NEBL: variants seen among roughly 807,000 people sequenced by gnomAD.
NEBL encodes nebulette, also known as LIM and SH3 protein 2.
In NEBL, 122 loss-of-function variants were observed where a neutral mutation model predicts 140.2. That is an observed-to-expected ratio of 0.87 (90% CI 0.75 to 1.01). The LOEUF (loss-of-function observed/expected upper bound fraction) is 1.01. NEBL is among the 50% of genes least tolerant of loss of function. NEBL has a pLI of 0.00. For missense variants in NEBL, 1,365 were observed against 1,231.3 expected (o/e 1.11, Z -1.62); for synonymous variants, 436 against 398.9 (o/e 1.09, Z -1.11).
At chr10:21,061,321 A>ACATATTATGTGATATGTAACATG (rs1835282019) in intron 2 of NEBL, among the ~76,000 whole-genome samples, 1 of 127,544 alleles carries the variant, frequency 7.8e-6, no homozygotes, top group Non-Finnish European at 1.6e-5. Flanking sequence ...TATGTAATAT[A>ACATATTATGTGATATGTAACATG]TTACATATTA....
intron 2 of NEBL, among the ~76,000 whole-genome samples, chr10:21,124,545 A>G (rs1279156611): frequency 1.3e-5 from 2 of 152,206 alleles, no homozygotes; most frequent in African/African-American, 4.8e-5. Flanking sequence ...ACTTTTAACA[A>G]GTTAAGCAGA....
intron 3 of NEBL, among the ~76,000 whole-genome samples, chr10:21,194,868 T>C (rs1841625427): frequency 6.7e-6 from 1 of 148,608 alleles, no homozygotes; most frequent in South Asian, 2.2e-4. Context: ...TGTAGTCAGA[T>C]GTAATCTGAC....
chr10:21,159,948 C>T (rs1025074998), intron 2 of NEBL, among the ~76,000 whole-genome samples: 2 of 152,214 alleles, frequency 1.3e-5, no homozygotes, highest in Non-Finnish European at 2.9e-5. Context: ...TTACTTGATC[C>T]TTCCTCCATT....
At chr10:21,271,298 C>T (rs912356303) in intron 1 of NEBL, among the ~76,000 whole-genome samples, 29 of 152,146 alleles carry the variant, frequency 1.9e-4, no homozygotes, top group African/African-American at 5.5e-4. Context: ...TAAACAAACT[C>T]TAAAACTTCG....
chr10:21,089,808 T>C (rs1044358008), intron 2 of NEBL, among the ~76,000 whole-genome samples: 6 of 150,658 alleles, frequency 4.0e-5, no homozygotes, highest in Non-Finnish European at 8.8e-5. Flanking sequence ...AAGTCCCCAT[T>C]CGAGTTAAAA....
intron 3 of NEBL, among the ~76,000 whole-genome samples, chr10:21,234,366 AG>A (rs1842319170): frequency 6.6e-6 from 1 of 151,980 alleles, no homozygotes; most frequent in South Asian, 2.1e-4. Context: ...TTGTTTAAAG[AG>A]CCTGGCGCCA....
chr10:21,039,461 C>A (rs1483579928), intron 2 of NEBL, among the ~76,000 whole-genome samples: 1 of 152,166 alleles, frequency 6.6e-6, no homozygotes, highest in East Asian at 1.9e-4. Flanking sequence ...GTTTTCCCAG[C>A]ACCATTTATT....
rs116937144 is a variant in NEBL at position 21,058,099 on chromosome 10, C to A, written c.165-37898G>T. 7.4e-3 allele frequency among the ~76,000 whole-genome samples: 1,131 copies of A among 152,302 alleles called. 42 individuals are homozygous for A. In the East Asian group the frequency reaches 0.09, roughly 12 times the overall value. On this transcript the variant is annotated intron_variant, in intron 2 of 6. Transcript: ENST00000417816. Reference sequence around the variant, plus strand: ...GCATGTTTTCTCAGAAATGATACTACTAACAGCTACTATCAATGTGAATAA... The same window carrying A: ...GCATGTTTTCTCAGAAATGATACTAATAACAGCTACTATCAATGTGAATAA...
At chr10:21,122,002 GGTTGTTGTTGTT>G (rs147160117) in intron 2 of NEBL, among the ~76,000 whole-genome samples, 19 of 149,552 alleles carry the variant, frequency 1.3e-4, no homozygotes, top group East Asian at 8.0e-4. Context: ...GATTTCTCCT[GGTTGTTGTTGTT>G]GTTGTTGTTG....
chr10:21,113,463 G>A (rs949108813), intron 2 of NEBL: 21 of 380,366 alleles, frequency 5.5e-5, no homozygotes, highest in Middle Eastern at 1.0e-3. Flanking sequence ...CTGACCAGGA[G>A]GCTATTCAGA....
chr10:21,058,819 T>G (rs1835152648), intron 2 of NEBL, among the ~76,000 whole-genome samples: 2 of 152,176 alleles, frequency 1.3e-5, no homozygotes, highest in South Asian at 4.1e-4. Flanking sequence ...AATTCTGAAA[T>G]CAATCATAGT....
At chr10:20,860,600 C>T (rs1843606933) in intron 7 of NEBL, among the ~76,000 whole-genome samples, 1 of 133,954 alleles carries the variant, frequency 7.5e-6, no homozygotes, top group Non-Finnish European at 1.6e-5. Flanking sequence ...TAGCTATTCA[C>T]ATGTCATACC....
Position 20,802,044 on chromosome 10 carries a change from C to A in NEBL, c.2761+6466G>T, listed in dbSNP as rs185531340. Reference sequence around the variant, plus strand: ...CCCATCACACTCCCATATCCTTTTACGTTTTCCGGAGGAAAACAGAAACAC... The same window carrying A: ...CCCATCACACTCCCATATCCTTTTAAGTTTTCCGGAGGAAAACAGAAACAC... On this transcript the variant is annotated intron_variant, in intron 26 of 27. Coordinates refer to ENST00000377122, the MANE Select transcript of NEBL (RefSeq NM_006393.3). Among the ~76,000 whole-genome samples the A allele has an allele frequency of 2.0e-5, 3 of 152,260 alleles. No homozygotes were observed. The East Asian group carries it at 5.8e-4, about 29-fold the overall frequency.
chr10:21,234,855 G>A (rs1842327550), intron 3 of NEBL, among the ~76,000 whole-genome samples: 1 of 152,174 alleles, frequency 6.6e-6, no homozygotes, highest in Admixed American at 6.5e-5. Flanking sequence ...TTGTCTGGAG[G>A]GAAGTTATAT....
chr10:21,042,360 GGC>G (rs1307757805), intron 2 of NEBL, among the ~76,000 whole-genome samples: 1 of 152,150 alleles, frequency 6.6e-6, no homozygotes, highest in African/African-American at 2.4e-5. Context: ...GGCTCACACT[GGC>G]TCATGGGAGC....
chr10:20,813,053 T>C (rs1156976745), intron 23 of NEBL, 113 bp from the exon 24 acceptor site: 1 of 868,650 alleles, frequency 1.2e-6, no homozygotes, highest in Non-Finnish European at 1.9e-6. Flanking sequence ...TGTCTACATG[T>C]ATGTATCTTT....
intron 3 of NEBL, among the ~76,000 whole-genome samples, chr10:21,234,951 A>T (rs978572919): frequency 4.6e-5 from 7 of 152,194 alleles, no homozygotes; most frequent in African/African-American, 1.7e-4. Flanking sequence ...TAACAGAGAG[A>T]AAGGAGAGGA....
chr10:21,051,173 C>T (rs1271705215), intron 2 of NEBL, among the ~76,000 whole-genome samples: 1 of 152,204 alleles, frequency 6.6e-6, no homozygotes, highest in Non-Finnish European at 1.5e-5. Flanking sequence ...ACTATGACCA[C>T]ATCATACCCC....
intron 14 of NEBL, 124 bp downstream of exon 14, chr10:20,835,389 C>A (rs528021790): frequency 3.6e-5 from 29 of 814,554 alleles, no homozygotes; most frequent in African/African-American, 3.5e-4. Flanking sequence ...GGAATAGTCT[C>A]CATTCCAAAC....
Sources: gnomAD v4.1 joint callset for allele counts (sites outside exome capture counted in the v4.1 genomes callset) on GRCh38, gnomAD v4.1.1 for gene constraint, MANE v1.5 for transcripts, NCBI Gene and HGNC (gene_info 2026-07-23, HGNC 2026-07-21) for gene names.